The following DLG1 variants were observed in gnomAD, a reference collection of about 807,000 sequenced individuals.
DLG1 encodes disks large homolog 1.
A neutral mutation model predicts 123.4 loss-of-function variants in DLG1; 42 were observed. That is an observed-to-expected ratio of 0.34 (90% confidence interval 0.27 to 0.44). The LOEUF (loss-of-function observed/expected upper bound fraction) is 0.44. Ranked by LOEUF, DLG1 falls within the 20% of genes least tolerant of loss-of-function variation. The pLI is 1.00. For synonymous variants in DLG1, 317 were observed against 356.2 expected (o/e 0.89, Z 1.24); for missense variants, 942 against 1,082.6 (o/e 0.87, Z 1.82).
chr3:197,225,880 T>C lies in DLG1; in HGVS notation c.319-31291A>G, dbSNP rs147304606. On this transcript the variant is annotated intron_variant, in intron 4 of 24. Transcript: ENST00000667157. ...ACCTTACATCCAAACATTAAGGATA[T>C]TGTGCTGTTGGAGCATGCTACTTTA... 95 of 152,784 alleles carry C rather than the reference T, an allele frequency of 6.2e-4. 1 individual carries two copies. The highest frequency in any genetic ancestry group is 3.4e-3 in the Middle Eastern group (1 of 294). 9.5% of individuals were successfully genotyped at this position (152,784 alleles called of 1,614,324 possible). A position where few individuals can be genotyped will look rare whatever the true frequency, so the allele number is the denominator to read the frequency against.
intron 6 of DLG1, 152 bp downstream of exon 6, chr3:197,149,591 T>C (rs1792874920): frequency 4.9e-6 from 3 of 608,846 alleles, no homozygotes; most frequent in Non-Finnish European, 8.9e-6. Flanking sequence ...TACTACTTAA[T>C]TTACTATAGC....
intron 5 of DLG1, among the ~76,000 whole-genome samples, chr3:197,181,026 T>A (rs905753128): frequency 2.0e-5 from 3 of 152,188 alleles, no homozygotes; most frequent in Non-Finnish European, 2.9e-5. Flanking sequence ...CATTAATGAC[T>A]TCCTCCTGAG....
chr3:197,214,941 C>A (rs533238110), intron 4 of DLG1, among the ~76,000 whole-genome samples: 183 of 152,178 alleles, frequency 1.2e-3, no homozygotes, highest in African/African-American at 4.2e-3. Context: ...ACCACAAATG[C>A]CCAATAATAC....
intron 5 of DLG1, among the ~76,000 whole-genome samples, chr3:197,166,183 C>T (rs1342777124): frequency 6.6e-6 from 1 of 152,172 alleles, no homozygotes; most frequent in Non-Finnish European, 1.5e-5. Flanking sequence ...AGGTTTTGTG[C>T]TGTCAGTGGA....
intron 4 of DLG1, among the ~76,000 whole-genome samples, chr3:197,216,629 A>C (rs369753369): frequency 6.6e-6 from 1 of 152,218 alleles, no homozygotes; most frequent in African/African-American, 2.4e-5. Context: ...TCACATAGGC[A>C]CCTAGCACAT....
At chr3:197,122,881 A>G (rs1353070866) in intron 11 of DLG1, among the ~76,000 whole-genome samples, 1 of 152,100 alleles carries the variant, frequency 6.6e-6, no homozygotes. Context: ...AAATTCAAAG[A>G]CCCAACATAA....
chr3:197,191,020 A>T (rs1719167556), intron 5 of DLG1, among the ~76,000 whole-genome samples: 1 of 152,142 alleles, frequency 6.6e-6, no homozygotes, highest in South Asian at 2.1e-4. Flanking sequence ...AAACAAAACA[A>T]AACAAAACAA....
intron 18 of DLG1, among the ~76,000 whole-genome samples, chr3:197,075,589 A>C (rs1746705091): frequency 2.6e-5 from 4 of 152,178 alleles, no homozygotes; most frequent in Admixed American, 2.6e-4. Flanking sequence ...CGTAAAAATT[A>C]CAAAAAGGAA....
intron 4 of DLG1, among the ~76,000 whole-genome samples, chr3:197,278,737 T>C (rs1309179883): frequency 6.6e-6 from 1 of 150,900 alleles, no homozygotes; most frequent in Non-Finnish European, 1.5e-5. Context: ...ATCAGTGAAC[T>C]TAAAAAAAAA....
At chr3:197,114,509 TAA>T (rs1560770267) in intron 13 of DLG1, among the ~76,000 whole-genome samples, 59 of 152,198 alleles carry the variant, frequency 3.9e-4, no homozygotes, top group African/African-American at 1.4e-3. Context: ...TAAAGTGAAA[TAA>T]AATAAAGATA....
At chr3:197,220,901 G>A (rs752705159) in intron 4 of DLG1, among the ~76,000 whole-genome samples, 10 of 152,222 alleles carry the variant, frequency 6.6e-5, no homozygotes, top group Non-Finnish European at 1.2e-4. Flanking sequence ...GAGGAGGGCT[G>A]TGCTTTTAAT....
At chr3:197,180,057 GT>G (rs1188685543) in intron 5 of DLG1, among the ~76,000 whole-genome samples, 7,741 of 67,214 alleles carry the variant, frequency 0.12, 339 homozygotes, top group Non-Finnish European at 0.13. Flanking sequence ...GGCATGTTGT[GT>G]TTTTTTTTTG....
chr3:197,195,391 CAATT>C (rs1721931742), intron 4 of DLG1, among the ~76,000 whole-genome samples: 1 of 151,920 alleles, frequency 6.6e-6, no homozygotes, highest in African/African-American at 2.4e-5. Context: ...ACCAGTCAAT[CAATT>C]GATTGATCAG....
intron 4 of DLG1, among the ~76,000 whole-genome samples, chr3:197,196,744 G>A (rs576190288): frequency 7.9e-5 from 12 of 152,042 alleles, no homozygotes; most frequent in African/African-American, 2.9e-4. Context: ...TCTTCTAATA[G>A]GACAAAGTAA....
intron 4 of DLG1, among the ~76,000 whole-genome samples, chr3:197,277,368 T>C (rs1766978252): frequency 6.6e-6 from 1 of 151,638 alleles, no homozygotes; most frequent in Non-Finnish European, 1.5e-5. Flanking sequence ...TCTCACCCTG[T>C]CACCCAGGCT....
At position 197,168,923 on chromosome 3, in the gene DLG1, A is replaced by G. The variant is rs1802713047; in HGVS notation, c.484-19127T>C. 3.3e-5 allele frequency among the ~76,000 whole-genome samples: 5 copies of G among 152,216 alleles called. No individual in the cohort carries two copies. The South Asian group carries it at 1.0e-3, about 32-fold the overall frequency. On this transcript the variant is annotated intron_variant, in intron 5 of 24. Transcript: ENST00000667157. ...TTAACACCGTCACAAGGAAATTGTA[A>G]ATTTCTACAAAATTGGATATATTGT...
At chr3:197,110,139 T>C (rs182934875) in intron 13 of DLG1, among the ~76,000 whole-genome samples, 5 of 152,342 alleles carry the variant, frequency 3.3e-5, no homozygotes, top group Admixed American at 2.6e-4. Context: ...TTTGATAGTA[T>C]CCCATAGGTC....
At chr3:197,217,315 T>C (rs768512778) in intron 4 of DLG1, among the ~76,000 whole-genome samples, 3 of 152,226 alleles carry the variant, frequency 2.0e-5, no homozygotes, top group Non-Finnish European at 2.9e-5. Context: ...TTGGTGTTGA[T>C]TAATCAGAAA....
rs1449348865 is a variant in DLG1, at chr3:197,043,540, G to A, written c.*1083C>T. On this transcript the variant is annotated 3_prime_UTR_variant, in exon 25 of 25. Transcript: ENST00000667157. ...AATTTAAAAACCAAACAAAAAGTTA[G>A]GAGTAGGTGGCAAAAGAAACAAAAT... 6.6e-6 allele frequency: 1 copy of A among 151,842 alleles called. No homozygotes were observed. The highest frequency in any genetic ancestry group is 1.5e-5 in the Non-Finnish European group (1 of 67,970). The allele number at this position is 151,842 out of a possible 1,614,324, so 9.4% of individuals were successfully genotyped here. A position where few individuals can be genotyped will look rare whatever the true frequency, so the allele number is the denominator to read the frequency against.
Sources: allele counts gnomAD v4.1 joint callset (sites outside exome capture counted in the v4.1 genomes callset), GRCh38; gene constraint gnomAD v4.1.1; transcripts MANE v1.5; gene names NCBI Gene and HGNC (gene_info 2026-07-23, HGNC 2026-07-21).